CLMP: variants seen among roughly 807,000 people sequenced by gnomAD.
The protein encoded by CLMP is CXADR like cell adhesion molecule.
A neutral mutation model predicts 45.2 loss-of-function variants in CLMP; 27 were observed. The ratio of observed to expected loss-of-function variants is 0.60; its 90% CI spans 0.44 to 0.82. The LOEUF (loss-of-function observed/expected upper bound fraction) is 0.82, where lower values mean the gene tolerates loss of function less well. Ranked by LOEUF, CLMP falls within the 40% of genes least tolerant of loss-of-function variation. The pLI is 0.00. For synonymous variants in CLMP, 167 were observed against 171.4 expected (o/e 0.97, Z 0.20); for missense variants, 403 against 448.4 (o/e 0.90, Z 0.91).
chr11:123,146,998 C>T (rs547559556), intron 1 of CLMP, among the ~76,000 whole-genome samples: 2 of 152,192 alleles, frequency 1.3e-5, no homozygotes, highest in African/African-American at 4.8e-5. Flanking sequence ...ATTCGAGCTC[C>T]TGAATACCTT....
chr11:123,160,279 C>CA (rs67087501), intron 1 of CLMP, among the ~76,000 whole-genome samples: 35,785 of 47,024 alleles, frequency 0.76, 13,314 homozygotes, highest in South Asian at 0.87. Context: ...GACTCTGTCT[C>CA]AAAAAAAAAA....
intron 5 of CLMP, among the ~76,000 whole-genome samples, chr11:123,082,672 G>A (rs1046790623): frequency 6.6e-5 from 10 of 150,478 alleles, no homozygotes; most frequent in Non-Finnish European, 1.2e-4. Flanking sequence ...GTGCAGTGGC[G>A]TGATCTTGGC....
chr11:123,095,026 A>G (rs1865974453), intron 2 of CLMP, among the ~76,000 whole-genome samples: 1 of 152,228 alleles, frequency 6.6e-6, no homozygotes, highest in Non-Finnish European at 1.5e-5. Context: ...CCTGGTACCT[A>G]GCATGGCATA....
At chr11:123,118,985 C>A (rs1591465590) in intron 1 of CLMP, among the ~76,000 whole-genome samples, 1 of 47,640 alleles carries the variant, frequency 2.1e-5, no homozygotes, top group Non-Finnish European at 3.8e-5. Flanking sequence ...TTCTTTCTTT[C>A]TTTCTTTCTT....
At chr11:123,179,260 G>T (rs1157658922) in intron 1 of CLMP, among the ~76,000 whole-genome samples, 1 of 152,190 alleles carries the variant, frequency 6.6e-6, no homozygotes. Context: ...GAGTGGAAAG[G>T]GCTTTGCAAG....
intron 1 of CLMP, among the ~76,000 whole-genome samples, chr11:123,118,607 A>G (rs12280650): frequency 0.068 from 10,372 of 152,286 alleles, 487 homozygotes; most frequent in East Asian, 0.16. Context: ...GATGGTATGC[A>G]GATAAATGGA....
rs1565387915 is a variant in CLMP at position 123,119,001 on chromosome 11, C to CTT, written c.29-21050_29-21049insAA. 4.9e-4 allele frequency among the ~76,000 whole-genome samples: 11 copies of CTT among 22,444 alleles called. 3 individuals are homozygous for CTT. The highest frequency in any genetic ancestry group is 1.6e-3 in the African/African-American group (7 of 4,320). 14.7% of individuals were successfully genotyped at this position (22,444 alleles called of 152,430 possible). ...TCTTTCTTTCTTTCTTTCTTTCTTTCTCTCTCTCTCTCTCTCTCTCTCTCT... is the reference window on the plus strand; with the variant it reads ...TCTTTCTTTCTTTCTTTCTTTCTTTCTTTCTCTCTCTCTCTCTCTCTCTCTCT... On this transcript the variant is annotated intron_variant, in intron 1 of 6. Transcript: ENST00000448775.
At chr11:123,088,267 G>A (rs993982651) in intron 2 of CLMP, among the ~76,000 whole-genome samples, 1 of 152,176 alleles carries the variant, frequency 6.6e-6, no homozygotes, top group African/African-American at 2.4e-5. Context: ...AAATTGCTGG[G>A]ATAGTTGGAA....
intron 1 of CLMP, among the ~76,000 whole-genome samples, chr11:123,127,411 A>T (rs11219001): frequency 6.6e-6 from 1 of 152,084 alleles, no homozygotes; most frequent in African/African-American, 2.4e-5. Flanking sequence ...CGTGAGCCAC[A>T]GCGCCCAGCC....
intron 1 of CLMP, among the ~76,000 whole-genome samples, chr11:123,135,208 C>T (rs562260868): frequency 4.1e-5 from 6 of 146,680 alleles, no homozygotes; most frequent in Non-Finnish European, 8.9e-5. Context: ...TGCAGTGAGC[C>T]AAGACCATGC....
chr11:123,136,847 T>G (rs1001889000), intron 1 of CLMP, among the ~76,000 whole-genome samples: 1 of 151,912 alleles, frequency 6.6e-6, no homozygotes, highest in Non-Finnish European at 1.5e-5. Context: ...AGATTGCAGG[T>G]GTGAGCCACG....
intron 1 of CLMP, among the ~76,000 whole-genome samples, chr11:123,187,486 T>TC (rs1329039650): frequency 6.6e-6 from 1 of 152,136 alleles, no homozygotes. Flanking sequence ...CCCTCTTTCC[T>TC]CCCCTACCAA....
At chr11:123,173,460 G>T (rs2135542634) in intron 1 of CLMP, among the ~76,000 whole-genome samples, 1 of 152,336 alleles carries the variant, frequency 6.6e-6, no homozygotes, top group Non-Finnish European at 1.5e-5. Flanking sequence ...ATGCCAGATG[G>T]AAGTCTGCGT....
In CLMP at chr11:123,083,772, G is replaced by A. The variant is rs757350133; in HGVS notation, c.464C>T (p.Ser155Leu). ...EGSDLTLQCE[S>L]SSGTEPIVYY... ...CACAATGGGCTCTGTGCCAGAGGAT[G>A]ACTCACACTGCAAAGTCAGGTCACT... Residue 155 changes from serine (S) to leucine (L), a missense_variant, in exon 4 of 7, where the codon TCA (serine) becomes TTA (leucine). By Grantham distance (145) the Ser-to-Leu change is moderately radical. Coordinates refer to ENST00000448775, the MANE Select transcript of CLMP (RefSeq NM_024769.5). 3 of 1,613,860 alleles carry A rather than the reference G, an allele frequency of 1.9e-6. No individual in the cohort carries two copies. In the South Asian group the frequency reaches 3.3e-5, roughly 18 times the overall value.
At chr11:123,168,033 A>C (rs563625633) in intron 1 of CLMP, among the ~76,000 whole-genome samples, 3 of 152,322 alleles carry the variant, frequency 2.0e-5, no homozygotes, top group Admixed American at 1.3e-4. Context: ...GCTTGTTCTT[A>C]AACTGACGGA....
chr11:123,128,792 T>C (rs1860938961), intron 1 of CLMP, among the ~76,000 whole-genome samples: 1 of 152,230 alleles, frequency 6.6e-6, no homozygotes, highest in Non-Finnish European at 1.5e-5. Flanking sequence ...GGAAGAATTT[T>C]ATGAAACTTT....
intron 1 of CLMP, among the ~76,000 whole-genome samples, chr11:123,173,660 G>C (rs1380350306): frequency 1.3e-5 from 2 of 152,180 alleles, no homozygotes; most frequent in Non-Finnish European, 2.9e-5. Context: ...TGTAAAATGG[G>C]AGTTAGTGTC....
chr11:123,096,438 C>T (rs550005023), intron 2 of CLMP, among the ~76,000 whole-genome samples: 51 of 152,246 alleles, frequency 3.3e-4, no homozygotes, highest in African/African-American at 1.1e-3. Flanking sequence ...GCGGGAGAAT[C>T]GCTTGAACCC....
intron 1 of CLMP, among the ~76,000 whole-genome samples, chr11:123,138,965 A>G (rs1861116288): frequency 6.6e-6 from 1 of 152,118 alleles, no homozygotes; most frequent in Admixed American, 6.6e-5. Context: ...CTCTTCTAAC[A>G]TTTTTAAATG....
Sources: gnomAD v4.1 joint callset for allele counts (sites outside exome capture counted in the v4.1 genomes callset) on GRCh38, gnomAD v4.1.1 for gene constraint, MANE v1.5 for transcripts, NCBI Gene and HGNC (gene_info 2026-07-23, HGNC 2026-07-21) for gene names.